CCER2: variants seen among roughly 807,000 people sequenced by gnomAD.
CCER2 encodes the protein coiled-coil glutamate rich protein 2, also known as coiled-coil domain-containing glutamate-rich protein 2.
In CCER2, 20 loss-of-function variants were observed where a neutral mutation model predicts 27.1. The observed-to-expected ratio is 0.74, with a 90% confidence interval of 0.52 to 1.07. The LOEUF is 1.07. CCER2 is among the 50% of genes least tolerant of loss of function. The pLI is 0.00. For synonymous variants in CCER2, 140 were observed against 144.3 expected (o/e 0.97, Z 0.21); for missense variants, 351 against 344.7 (o/e 1.02, Z -0.14).
chr19:38,910,074 T>C (rs1004685655), intron 4 of CCER2, among the ~76,000 whole-genome samples: 1 of 152,196 alleles, frequency 6.6e-6, no homozygotes, highest in Non-Finnish European at 1.5e-5. Context: ...GGTTTCACTA[T>C]GTTGCCCACG....
intron 4 of CCER2, among the ~76,000 whole-genome samples, chr19:38,909,977 A>T (rs1974272059): frequency 6.6e-6 from 1 of 151,588 alleles, no homozygotes; most frequent in Admixed American, 6.6e-5. Flanking sequence ...GGTTCAAGCA[A>T]TCCCACCACC....
rs569067567 is a variant in CCER2, at chr19:38,912,183, C to T, written c.-25G>A. 6.2e-4 allele frequency: 897 copies of T among 1,457,438 alleles called. 6 individuals carry two copies. Among genetic ancestry groups the T allele is most frequent in the East Asian group, 3.2e-3 (128 of 39,810 alleles). The allele number at this position is 1,457,438 out of a possible 1,614,324, so 90.3% of individuals were successfully genotyped here. A position where few individuals can be genotyped will look rare whatever the true frequency, so the allele number is the denominator to read the frequency against. On this transcript the variant is annotated 5_prime_UTR_variant, in exon 1 of 5. Coordinates refer to ENST00000571838, the MANE Select transcript of CCER2 (RefSeq NM_001243212.2). ...TGGTGGGCGTCCAACGGGTCCAAGG[C>T]GCTGTGCGGGCCAGGGTTGCAGCGC...
Position 38,909,149 on chromosome 19 carries a change from G to T in CCER2, c.*87C>A. The T allele has an allele frequency of 7.4e-7, 1 of 1,351,258 alleles. No individual in the cohort carries two copies. The allele number at this position is 1,351,258 out of a possible 1,614,324, so 83.7% of individuals were successfully genotyped here. A position where few individuals can be genotyped will look rare whatever the true frequency, so the allele number is the denominator to read the frequency against. The stretch of plus-strand genomic sequence containing the variant: ...CCTCCCCTGTTTGGGTAGGGGTGGC[G>T]TGGGGTGCTAGGTGAGGTGGAGGCT... On this transcript the variant is annotated 3_prime_UTR_variant, in exon 5 of 5. Coordinates refer to ENST00000571838, the MANE Select transcript of CCER2 (RefSeq NM_001243212.2).
chr19:38,910,604 C>T lies in CCER2; in HGVS notation c.670G>A (p.Ala224Thr), dbSNP rs1301343892. 18 of 1,516,432 alleles carry T rather than the reference C, an allele frequency of 1.2e-5. No homozygotes were observed. In the East Asian group the frequency reaches 4.2e-4, roughly 35 times the overall value. 93.9% of individuals were successfully genotyped at this position (1,516,432 alleles called of 1,614,324 possible). The change falls in exon 4 of 5, where the codon GCT becomes ACT. Residue 224 changes from alanine to threonine, a missense_variant. Physicochemically the swap from Ala to Thr is moderately conservative, Grantham distance 58 (BLOSUM62 0). Coordinates refer to ENST00000571838, the MANE Select transcript of CCER2 (RefSeq NM_001243212.2). ...TCCTCCTTCTCCTGCCTGGGCTCAG[C>T]CTCTGGCTGGTGGTGGTGGTGGTGG... ...HHHHHHHQPE[A>T]EPRQEKEEAS...
Position 38,909,255 on chromosome 19 carries a change from T to C in CCER2, c.782A>G (p.Gln261Arg). ...LKKVTETLGE[Q>R]LRREG ...TAGGGGTCAGCCCTCCCTCCTGAGC[T>C]GCTCCCCCAGCGTCTCTGTCACCTT... Residue 261 changes from glutamine to arginine, a missense_variant, in exon 5 of 5, where the codon CAG (glutamine) becomes CGG (arginine). Gln to Arg is a conservative substitution (Grantham distance 43, BLOSUM62 1). Coordinates refer to ENST00000571838, the MANE Select transcript of CCER2 (RefSeq NM_001243212.2). 8 of 1,535,484 alleles carry C rather than the reference T, an allele frequency of 5.2e-6. No homozygotes were observed. The highest frequency in any genetic ancestry group is 7.0e-6 in the Non-Finnish European group (8 of 1,146,726).
rs1974246533 is a variant in CCER2 at position 38,909,063 on chromosome 19, C to A, written c.*173G>T. On this transcript the variant is annotated 3_prime_UTR_variant, in exon 5 of 5. Transcript: ENST00000571838. ...GGGTGCTTCCTGTGTCAGGGCTGAG[C>A]CCAGCCCCCGGCCCAGCTCAGACTC... The A allele has an allele frequency of 2.1e-6, 2 of 940,322 alleles. No individual in the cohort carries two copies. Among genetic ancestry groups the A allele is most frequent in the Non-Finnish European group, 3.1e-6 (2 of 642,624 alleles). 58.2% of individuals were successfully genotyped at this position (940,322 alleles called of 1,614,324 possible).
intron 4 of CCER2, among the ~76,000 whole-genome samples, chr19:38,909,745 T>C (rs1048247599): frequency 6.6e-6 from 1 of 152,096 alleles, no homozygotes; most frequent in Non-Finnish European, 1.5e-5. Flanking sequence ...GCTGATTTTT[T>C]GTATTTTTAG....
intron 4 of CCER2, 33 bp from the exon 5 acceptor site, chr19:38,909,358 C>T (rs967958306): frequency 7.2e-6 from 11 of 1,530,978 alleles, no homozygotes; most frequent in Middle Eastern, 1.7e-4. Context: ...AGTCAGCACC[C>T]ACCTTCAAAG....
In CCER2 at chr19:38,911,647, G is replaced by T. The variant is rs757326589; in HGVS notation, c.109C>A (p.Arg37Ser). 2.7e-5 allele frequency: 41 copies of T among 1,535,532 alleles called. 1 individual carries two copies. In the Admixed American group the frequency reaches 7.6e-4, roughly 29 times the overall value. ...TCTGTGACCACCTCTGCCAGACAGC[G>T]GGTCAGCTGGGGGGCAGGGGTGCCG... is the stretch of plus-strand genomic sequence containing the variant. ...APRPSKEELT[R>S]CLAEVVTEVL... The change falls in exon 3 of 5, where the codon CGC (arginine) becomes AGC (serine). Residue 37 changes from arginine to serine, a missense_variant. Arg to Ser is a moderately radical substitution (Grantham distance 110, BLOSUM62 -1). Coordinates refer to ENST00000571838, the MANE Select transcript of CCER2 (RefSeq NM_001243212.2).
At chr19:38,909,619 C>A (rs536706910) in intron 4 of CCER2, among the ~76,000 whole-genome samples, 2 of 152,128 alleles carry the variant, frequency 1.3e-5, no homozygotes, top group Non-Finnish European at 2.9e-5. Context: ...GTCACCCAGG[C>A]TGGGGTACAG....
In CCER2 at chr19:38,910,910, T is replaced by G; in HGVS notation, c.364A>C (p.Ile122Leu). 3 of 1,516,522 alleles carry G rather than the reference T, an allele frequency of 2.0e-6. No homozygotes were observed. The highest frequency in any genetic ancestry group is 2.6e-6 in the Non-Finnish European group (3 of 1,137,026). The allele number at this position is 1,516,522 out of a possible 1,614,324, so 93.9% of individuals were successfully genotyped here. ...AGCTGGCGATGCCCTTGCATGCGGA[T>G]GGCTTGTTCCTGGACCTCAGACTTG... is the stretch of plus-strand genomic sequence containing the variant. ...THKSEVQEQA[I>L]RMQGHRQLHQ... The change falls in exon 4 of 5, where the codon ATC becomes CTC. Residue 122 changes from isoleucine (I) to leucine (L), a missense_variant. Ile to Leu is a conservative substitution (Grantham distance 5, BLOSUM62 2). Transcript: ENST00000571838.
Position 38,911,589 on chromosome 19 carries a change from GGT to G in CCER2, c.165_166del (p.Pro56LeufsTer47). ...ACCCTTGTGGAGAAGAGCAGTGCAG[GGT>G]CCTCTCTGGACCTGGCCCACGGTCA... is the stretch of plus-strand genomic sequence containing the variant. On this transcript the variant is annotated frameshift_variant, in exon 3 of 5. Transcript: ENST00000571838. LOFTEE classifies it high-confidence loss of function. 6.5e-7 allele frequency: 1 copy of G among 1,535,400 alleles called. No individual in the cohort carries two copies. The highest frequency in any genetic ancestry group is 8.7e-7 in the Non-Finnish European group (1 of 1,146,708).
intron 3 of CCER2, 146 bp downstream of exon 3, chr19:38,911,420 C>T (rs981832164): frequency 2.2e-5 from 16 of 720,452 alleles, no homozygotes; most frequent in Non-Finnish European, 3.0e-5. Context: ...CCCGCTGGTC[C>T]AGGCAACAGG....
At position 38,910,761 on chromosome 19, in the gene CCER2, C is replaced by G; in HGVS notation, c.513G>C (p.Glu171Asp). Residue 171 changes from glutamate (E) to aspartate (D), a missense_variant, in exon 4 of 5, where the codon GAG becomes GAC. By Grantham distance (45) the Glu-to-Asp change is conservative (BLOSUM62 2). Coordinates refer to ENST00000571838, the MANE Select transcript of CCER2 (RefSeq NM_001243212.2). ...NGGDLQKRVA[E>D]KASDKETAQF... ...GGGCCGTCTCTTTGTCACTGGCCTTCTCTGCCACCCGCTTCTGGAGGTCCC... is the reference window on the plus strand; with the variant it reads ...GGGCCGTCTCTTTGTCACTGGCCTTGTCTGCCACCCGCTTCTGGAGGTCCC... The G allele has an allele frequency of 1.6e-5, 25 of 1,534,906 alleles. No homozygotes were observed. Among genetic ancestry groups the G allele is most frequent in the Non-Finnish European group, 2.2e-5 (25 of 1,146,346 alleles).
At chr19:38,911,770 C>T (rs748827022) in intron 2 of CCER2, 42 bp downstream of exon 2, 2 of 1,532,588 alleles carry the variant, frequency 1.3e-6, no homozygotes, top group African/African-American at 2.7e-5. Flanking sequence ...GAGGGCAGGG[C>T]CCCAGCTAGG....
chr19:38,911,293 G>T (rs182172542), intron 3 of CCER2, among the ~76,000 whole-genome samples: 1 of 152,190 alleles, frequency 6.6e-6, no homozygotes, highest in Non-Finnish European at 1.5e-5. Flanking sequence ...CAGGGGGAGG[G>T]TCCTATTTCA....
Position 38,909,073 on chromosome 19 carries a change from G to C in CCER2, c.*163C>G, listed in dbSNP as rs1445778397. ...TGTGTCAGGGCTGAGCCCAGCCCCC[G>C]GCCCAGCTCAGACTCACCTCCTTGG... On this transcript the variant is annotated 3_prime_UTR_variant, in exon 5 of 5. Transcript: ENST00000571838. 1 of 948,632 alleles carries C rather than the reference G, an allele frequency of 1.1e-6. No individual in the cohort carries two copies. The highest frequency in any genetic ancestry group is 1.5e-6 in the Non-Finnish European group (1 of 649,004). 58.8% of individuals were successfully genotyped at this position (948,632 alleles called of 1,614,324 possible). A position where few individuals can be genotyped will look rare whatever the true frequency, so the allele number is the denominator to read the frequency against.
rs140531024 is a variant in CCER2, at chr19:38,911,320, A to G, written c.191-237T>C. On this transcript the variant is annotated intron_variant, in intron 3 of 4. Coordinates refer to ENST00000571838, the MANE Select transcript of CCER2 (RefSeq NM_001243212.2). ...CCTATTTCATCCCACCTGGGAGGGG[A>G]TGTTCCCTGCCCCATCTGGCCCCTC... 3.7e-4 allele frequency among the ~76,000 whole-genome samples: 57 copies of G among 152,162 alleles called. No individual in the cohort carries two copies. The East Asian group carries it at 0.011, about 28-fold the overall frequency.
At position 38,911,228 on chromosome 19, in the gene CCER2, G is replaced by T. The variant is rs924348591; in HGVS notation, c.191-145C>A. Reference sequence around the variant, plus strand: ...CAGGAGTTTGAATTGGGAAACTGAGGCCTTGAGGAGTTCTGGGCCCTGCCG... The same window carrying T: ...CAGGAGTTTGAATTGGGAAACTGAGTCCTTGAGGAGTTCTGGGCCCTGCCG... On this transcript the variant is annotated intron_variant, in intron 3 of 4. Coordinates refer to ENST00000571838, the MANE Select transcript of CCER2 (RefSeq NM_001243212.2). 9.1e-6 allele frequency: 8 copies of T among 883,488 alleles called. No individual in the cohort carries two copies. In the African/African-American group the frequency reaches 1.3e-4, roughly 15 times the overall value. The allele number at this position is 883,488 out of a possible 1,614,324, so 54.7% of individuals were successfully genotyped here.
Sources: gnomAD v4.1 joint callset for allele counts (sites outside exome capture counted in the v4.1 genomes callset) on GRCh38, gnomAD v4.1.1 for gene constraint, MANE v1.5 for transcripts, NCBI Gene and HGNC (gene_info 2026-07-23, HGNC 2026-07-21) for gene names.